Variants in DNAI4 observed in about 807,000 individuals in gnomAD.
The protein encoded by DNAI4 is dynein axonemal intermediate chain 4, also known as WD repeat domain 78.
Under a neutral mutation model 105.8 loss-of-function variants are expected in DNAI4, and 85 were observed. That is an observed-to-expected ratio of 0.80 (90% CI 0.67 to 0.96). DNAI4 has a LOEUF of 0.96. DNAI4 is among the 40% of genes least tolerant of loss of function. The pLI is 0.00. For synonymous variants in DNAI4, 352 were observed against 331.5 expected, an observed-to-expected ratio of 1.06 and a Z score of -0.67; for missense variants, 1,014 against 1,005.6, an observed-to-expected ratio of 1.01 and a Z score of -0.11.
intron 9 of DNAI4, 127 bp from the exon 10 acceptor site, chr1:66,837,923 A>C (rs1462788448): frequency 2.2e-6 from 2 of 905,062 alleles, no homozygotes; most frequent in African/African-American, 3.5e-5. Flanking sequence ...GAGAGGAAAA[A>C]ATGCCAGTAC....
chr1:66,894,363 T>G (rs1238769962), intron 2 of DNAI4, among the ~76,000 whole-genome samples: 7 of 152,210 alleles, frequency 4.6e-5, no homozygotes, highest in Non-Finnish European at 1.5e-5. Context: ...TCAAGTCCTT[T>G]GCACAATTTT....
chr1:66,911,824 C>A (rs1649678083), intron 1 of DNAI4, among the ~76,000 whole-genome samples: 1 of 58,382 alleles, frequency 1.7e-5, no homozygotes, highest in Non-Finnish European at 3.1e-5. Context: ...CAAAGTCATC[C>A]CTCTGCTCAT....
At position 66,857,535 on chromosome 1, in the gene DNAI4, AT is replaced by A. The variant is rs779863639; in HGVS notation, c.1096+4611del. ...ATAATGTTAAAGACTCTGCCCACAA[AT>A]TTTTTTTTTTTTTTTGAGATAGAGT... On this transcript the variant is annotated intron_variant, in intron 7 of 16. Transcript: ENST00000371026. Among the ~76,000 whole-genome samples, 912 of 142,926 alleles carry A rather than the reference AT, an allele frequency of 6.4e-3. 5 individuals carry two copies. The highest frequency in any genetic ancestry group is 0.012 in the African/African-American group (482 of 39,130). The allele number at this position is 142,926 out of a possible 152,430, so 93.8% of individuals were successfully genotyped here.
At chr1:66,862,845 G>A (rs968615235) in intron 6 of DNAI4, among the ~76,000 whole-genome samples, 1 of 152,170 alleles carries the variant, frequency 6.6e-6, no homozygotes, top group African/African-American at 2.4e-5. Context: ...CTGCCTTGGT[G>A]ATATGCATCT....
chr1:66,827,723 T>C, intron 14 of DNAI4, 89 bp downstream of exon 14: 1 of 638,614 alleles, frequency 1.6e-6, no homozygotes, highest in Non-Finnish European at 2.5e-6. Context: ...AAGTTGTAAA[T>C]TTATTGCATA....
chr1:66,910,209 T>C (rs1649554392), intron 1 of DNAI4, among the ~76,000 whole-genome samples: 1 of 151,970 alleles, frequency 6.6e-6, no homozygotes, highest in Non-Finnish European at 1.5e-5. Flanking sequence ...CGAGACCCTG[T>C]CTCAAACAAA....
chr1:66,883,424 T>A (rs1359561107), intron 4 of DNAI4, among the ~76,000 whole-genome samples: 1 of 151,970 alleles, frequency 6.6e-6, no homozygotes, highest in Admixed American at 6.6e-5. Flanking sequence ...ATTACAGGTG[T>A]GCACCACCAC....
At chr1:66,814,690 C>T (rs931444154) in intron 16 of DNAI4, among the ~76,000 whole-genome samples, 6 of 152,190 alleles carry the variant, frequency 3.9e-5, no homozygotes, top group Non-Finnish European at 7.4e-5. Context: ...TAATGAATTC[C>T]GATAAACGAT....
At chr1:66,847,444 A>G (rs1298857570) in intron 8 of DNAI4, 40 bp downstream of exon 8, 5 of 1,575,350 alleles carry the variant, frequency 3.2e-6, no homozygotes, top group Non-Finnish European at 4.3e-6. Flanking sequence ...AAGCATAAGC[A>G]ACTGCACCCA....
chr1:66,856,095 C>CA (rs1401573003), intron 7 of DNAI4, among the ~76,000 whole-genome samples: 3 of 151,870 alleles, frequency 2.0e-5, no homozygotes, highest in Admixed American at 1.3e-4. Flanking sequence ...CTCGGCCTCC[C>CA]AAAGTGCTGG....
intron 15 of DNAI4, among the ~76,000 whole-genome samples, chr1:66,823,419 T>C (rs1384522433): frequency 6.6e-6 from 1 of 152,054 alleles, no homozygotes; most frequent in African/African-American, 2.4e-5. Context: ...TTTAGGTATA[T>C]ACCCAGTAAT....
At chr1:66,852,694 T>C (rs962819163) in intron 7 of DNAI4, among the ~76,000 whole-genome samples, 5 of 150,400 alleles carry the variant, frequency 3.3e-5, no homozygotes, top group African/African-American at 1.2e-4. Flanking sequence ...CTCAGAAAAA[T>C]AGAAACAAGC....
At chr1:66,896,178 T>C (rs1648323044) in intron 2 of DNAI4, among the ~76,000 whole-genome samples, 1 of 152,140 alleles carries the variant, frequency 6.6e-6, no homozygotes, top group South Asian at 2.1e-4. Flanking sequence ...TGAAGGAAGG[T>C]TTTTAAATCA....
chr1:66,850,292 A>G (rs1646370219), intron 7 of DNAI4, among the ~76,000 whole-genome samples: 1 of 152,108 alleles, frequency 6.6e-6, no homozygotes, highest in African/African-American at 2.4e-5. Flanking sequence ...CTGAGTGGAA[A>G]GAATGGTCAA....
chr1:66,913,898 T>C (rs1240496784), intron 1 of DNAI4, among the ~76,000 whole-genome samples: 2 of 149,772 alleles, frequency 1.3e-5, no homozygotes, highest in African/African-American at 4.9e-5. Flanking sequence ...AGGAGAACGG[T>C]GTGAACCCGG....
rs780143266 is a variant in DNAI4, at chr1:66,891,218, A to G, written c.579T>C (p.Ser193=). 57 of 1,613,752 alleles carry G rather than the reference A, an allele frequency of 3.5e-5. No individual in the cohort carries two copies. Among genetic ancestry groups the G allele is most frequent in the Non-Finnish European group, 4.3e-5 (51 of 1,179,948 alleles). ...CTTCCAGGTCTTCTGCTATTGATTC[A>G]CTTGCTGATACACTTGACTTAGAAA... is the stretch of plus-strand genomic sequence containing the variant. The part of the protein sequence containing the change: ...STVSKSSVSA[S]ESIAEDLEEP... Residue 193 remains serine (S), a synonymous_variant, in exon 4 of 17, where the codon AGT becomes AGC. Coordinates refer to ENST00000371026, the MANE Select transcript of DNAI4 (RefSeq NM_024763.5).
chr1:66,886,827 T>C (rs1647217777), intron 4 of DNAI4, among the ~76,000 whole-genome samples: 1 of 152,188 alleles, frequency 6.6e-6, no homozygotes, highest in African/African-American at 2.4e-5. Context: ...TGGAATTCCT[T>C]AAACGCTGTT....
chr1:66,888,688 G>A (rs1331940492), intron 4 of DNAI4, among the ~76,000 whole-genome samples: 4 of 151,978 alleles, frequency 2.6e-5, no homozygotes, highest in African/African-American at 7.3e-5. Flanking sequence ...GCAAGACTCC[G>A]TCTAAAAAAC....
At chr1:66,862,015 G>T in intron 7 of DNAI4, 132 bp downstream of exon 7, 2 of 837,014 alleles carry the variant, frequency 2.4e-6, no homozygotes, top group Non-Finnish European at 3.6e-6. Context: ...TAGAGTAATA[G>T]TGCTATTTCT....
Sources: allele counts gnomAD v4.1 joint callset (sites outside exome capture counted in the v4.1 genomes callset), GRCh38; gene constraint gnomAD v4.1.1; transcripts MANE v1.5; gene names NCBI Gene and HGNC (gene_info 2026-07-23, HGNC 2026-07-21).